The following FHIT variants were observed in gnomAD, a reference collection of about 807,000 sequenced individuals.
The protein encoded by FHIT is fragile histidine triad diadenosine triphosphatase.
A neutral mutation model predicts 17.9 loss-of-function variants in FHIT; 19 were observed. The ratio of observed to expected loss-of-function variants is 1.06; its 90% confidence interval spans 0.74 to 1.56. The LOEUF is 1.56. Ranked by LOEUF, FHIT falls within the 40% of genes most tolerant of loss-of-function variation. FHIT has a pLI of 0.00. For synonymous variants in FHIT, 81 were observed against 69.7 expected (o/e 1.16, Z -0.81); for missense variants, 248 against 189.2 (o/e 1.31, Z -1.82).
chr3:60,778,684 A>G (rs1169753885), intron 4 of FHIT, among the ~76,000 whole-genome samples: 1 of 150,946 alleles, frequency 6.6e-6, no homozygotes, highest in Non-Finnish European at 1.5e-5. Context: ...ACTATCTGTG[A>G]ATATTGTTAT....
intron 5 of FHIT, among the ~76,000 whole-genome samples, chr3:60,029,051 A>G (rs967537227): frequency 2.7e-4 from 41 of 152,354 alleles, no homozygotes; most frequent in African/African-American, 9.1e-4. Context: ...TGATTTTCAA[A>G]GAAATAAAGC....
chr3:60,223,669 C>T (rs1266261762), intron 5 of FHIT, among the ~76,000 whole-genome samples: 1 of 152,154 alleles, frequency 6.6e-6, no homozygotes, highest in African/African-American at 2.4e-5. Flanking sequence ...TAATTATAGG[C>T]TGCCATGGGC....
chr3:59,830,501 T>C (rs1279990828), intron 8 of FHIT, among the ~76,000 whole-genome samples: 2 of 152,186 alleles, frequency 1.3e-5, no homozygotes, highest in Admixed American at 6.5e-5. Flanking sequence ...CTCCTGAAAA[T>C]GTTGCTTTGC....
At chr3:60,160,274 T>C (rs998287169) in intron 5 of FHIT, among the ~76,000 whole-genome samples, 12 of 152,106 alleles carry the variant, frequency 7.9e-5, no homozygotes, top group Admixed American at 5.2e-4. Flanking sequence ...GAAGTGATGA[T>C]GACATCCTCC....
At chr3:60,578,937 G>A (rs1022495655) in intron 4 of FHIT, among the ~76,000 whole-genome samples, 1 of 152,038 alleles carries the variant, frequency 6.6e-6, no homozygotes, top group African/African-American at 2.4e-5. Flanking sequence ...ATTAATTACA[G>A]GCAAAGAAAG....
chr3:60,857,480 G>A (rs1703436649), intron 3 of FHIT, among the ~76,000 whole-genome samples: 1 of 152,094 alleles, frequency 6.6e-6, no homozygotes, highest in African/African-American at 2.4e-5. Context: ...CTTTAAAATG[G>A]GGATAATGAC....
chr3:60,060,535 T>C (rs1702255745), intron 5 of FHIT, among the ~76,000 whole-genome samples: 1 of 152,230 alleles, frequency 6.6e-6, no homozygotes, highest in Admixed American at 6.5e-5. Context: ...GCATATTAAC[T>C]GTTCCTGGGA....
At chr3:59,991,575 A>C (rs989003181) in intron 7 of FHIT, among the ~76,000 whole-genome samples, 2 of 151,992 alleles carry the variant, frequency 1.3e-5, no homozygotes, top group African/African-American at 4.8e-5. Flanking sequence ...GTCTCATCCT[A>C]TTCATTGCTA....
chr3:60,537,326 A>G (rs1330008443), intron 4 of FHIT: 1 of 261,326 alleles, frequency 3.8e-6, no homozygotes. Flanking sequence ...TTACCCATCT[A>G]TTTTGTCATG....
At chr3:60,502,155 G>C (rs771247579) in intron 5 of FHIT, among the ~76,000 whole-genome samples, 8 of 152,152 alleles carry the variant, frequency 5.3e-5, no homozygotes, top group Non-Finnish European at 1.2e-4. Flanking sequence ...AGGTGTCCCA[G>C]GACCTTGTTC....
chr3:60,809,345 A>C (rs1042015776), intron 4 of FHIT, among the ~76,000 whole-genome samples: 1 of 152,168 alleles, frequency 6.6e-6, no homozygotes, highest in Non-Finnish European at 1.5e-5. Flanking sequence ...CTAAAGATTA[A>C]AGAGGCAATA....
At chr3:61,122,788 C>T (rs2036496372) in intron 2 of FHIT, among the ~76,000 whole-genome samples, 2 of 151,988 alleles carry the variant, frequency 1.3e-5, no homozygotes. Flanking sequence ...AAATGCAAAC[C>T]AAAACCACAA....
intron 3 of FHIT, among the ~76,000 whole-genome samples, chr3:60,895,669 T>TTC (rs1559808620): frequency 0.061 from 1,279 of 20,992 alleles, 30 homozygotes; most frequent in African/African-American, 0.1. Context: ...TTCCTTCCTT[T>TTC]CTTTCTTTCT....
intron 1 of FHIT, among the ~76,000 whole-genome samples, chr3:61,213,498 T>A (rs1344651322): frequency 1.3e-5 from 2 of 152,186 alleles, no homozygotes; most frequent in Non-Finnish European, 2.9e-5. Flanking sequence ...GCACCCAGAT[T>A]CATAAAGCAA....
intron 3 of FHIT, among the ~76,000 whole-genome samples, chr3:60,916,770 A>C (rs1435105854): frequency 6.6e-6 from 1 of 152,200 alleles, no homozygotes; most frequent in African/African-American, 2.4e-5. Flanking sequence ...CTATTATATC[A>C]ATAAGCAGTT....
intron 2 of FHIT, among the ~76,000 whole-genome samples, chr3:61,193,300 G>C (rs1404045612): frequency 6.6e-6 from 1 of 152,174 alleles, no homozygotes; most frequent in Non-Finnish European, 1.5e-5. Flanking sequence ...CTGGCACCCT[G>C]CTTCCTGGCA....
chr3:60,529,925 G>T (rs1260906870), intron 5 of FHIT, among the ~76,000 whole-genome samples: 2 of 152,046 alleles, frequency 1.3e-5, no homozygotes, highest in African/African-American at 4.8e-5. Flanking sequence ...ATTCTGTGTA[G>T]ATCCGCAGAT....
chr3:60,271,856 T>C (rs533600282), intron 5 of FHIT, among the ~76,000 whole-genome samples: 4 of 152,346 alleles, frequency 2.6e-5, no homozygotes, highest in African/African-American at 9.6e-5. Flanking sequence ...AGAGGCTCCA[T>C]GCACTTCTGA....
intron 1 of FHIT, among the ~76,000 whole-genome samples, chr3:61,250,685 T>C (rs1043311031): frequency 3.3e-5 from 5 of 150,568 alleles, no homozygotes; most frequent in African/African-American, 9.8e-5. Context: ...CCTTTAAAAT[T>C]CCCCCCTTTG....
Sources: allele counts gnomAD v4.1 joint callset (sites outside exome capture counted in the v4.1 genomes callset), GRCh38; gene constraint gnomAD v4.1.1; transcripts MANE v1.5; gene names NCBI Gene and HGNC (gene_info 2026-07-23, HGNC 2026-07-21).